DDX1: variants seen among roughly 807,000 people sequenced by gnomAD.
DDX1 encodes the protein ATP-dependent RNA helicase DDX1.
DDX1 carries 28 observed loss-of-function variants against 108.7 expected under a neutral mutation model. That is an observed-to-expected ratio of 0.26 (90% confidence interval 0.19 to 0.35). The LOEUF (loss-of-function observed/expected upper bound fraction) is 0.35. DDX1 is among the 10% of genes least tolerant of loss of function. The probability of loss-of-function intolerance (pLI) is 1.00; values close to 1 mark genes in which losing one functional copy is unlikely to be tolerated. For synonymous variants in DDX1, 295 were observed against 288.9 expected (o/e 1.02, Z -0.21); for missense variants, 710 against 884.5 (o/e 0.80, Z 2.50).
In DDX1 at chr2:15,599,789, G is replaced by A. The variant is rs1039465792; in HGVS notation, c.307+73G>A. The A allele has an allele frequency of 1.9e-5, 20 of 1,059,926 alleles. No individual in the cohort carries two copies. In the Admixed American group the frequency reaches 4.2e-4, roughly 22 times the overall value. 65.7% of individuals were successfully genotyped at this position (1,059,926 alleles called of 1,614,324 possible). On this transcript the variant is annotated intron_variant, in intron 6 of 25. Transcript: ENST00000233084. ...AAAAAATAATACATGAGAACACCAA[G>A]TAAATAAGATTAAGATTTAATTTAC...
chr2:15,614,083 A>C (rs1273554375), intron 14 of DDX1, among the ~76,000 whole-genome samples: 1 of 152,128 alleles, frequency 6.6e-6, no homozygotes, highest in African/African-American at 2.4e-5. Context: ...GGCCTCCCAA[A>C]GTGCTGGGAT....
intron 14 of DDX1, among the ~76,000 whole-genome samples, chr2:15,616,769 G>T (rs995031743): frequency 1.3e-5 from 2 of 152,098 alleles, no homozygotes; most frequent in African/African-American, 4.8e-5. Context: ...GAGCACCTGG[G>T]ACACTCTGCG....
intron 21 of DDX1, 24 bp from the exon 22 acceptor site, chr2:15,628,614 G>A (rs1371286309): frequency 6.2e-7 from 1 of 1,602,788 alleles, no homozygotes; most frequent in Admixed American, 1.7e-5. Context: ...ACTGGCAATT[G>A]TTAATAATGG....
chr2:15,601,174 T>A (rs1665583830), intron 6 of DDX1, among the ~76,000 whole-genome samples: 1 of 151,808 alleles, frequency 6.6e-6, no homozygotes, highest in Non-Finnish European at 1.5e-5. Context: ...ATGTGTGGGG[T>A]TTTTTCCCAC....
chr2:15,630,829 G>T lies in DDX1; in HGVS notation c.2146G>T (p.Ala716Ser). 1.2e-6 allele frequency: 2 copies of T among 1,614,042 alleles called. No homozygotes were observed. Among genetic ancestry groups the T allele is most frequent in the East Asian group, 4.5e-5 (2 of 44,878 alleles). ...TTTGGCACCTACTGTTCAAGAGTTG[G>T]CTGCCCTTGAAAAGGAGGCGCAGAC... The part of the protein sequence containing the change: ...DILAPTVQEL[A>S]ALEKEAQTSF... Residue 716 changes from alanine to serine, a missense_variant, in exon 26 of 26, where the codon GCT (alanine) becomes TCT (serine). Coordinates refer to ENST00000233084, the MANE Select transcript of DDX1 (RefSeq NM_004939.3).
intron 3 of DDX1, among the ~76,000 whole-genome samples, chr2:15,595,912 C>T (rs1573035366): frequency 6.6e-6 from 1 of 151,888 alleles, no homozygotes; most frequent in East Asian, 1.9e-4. Flanking sequence ...TTGGAAAAGG[C>T]CAAGCTCTGT....
intron 14 of DDX1, among the ~76,000 whole-genome samples, chr2:15,614,576 G>A (rs551018488): frequency 8.0e-4 from 122 of 152,264 alleles, no homozygotes; most frequent in African/African-American, 2.7e-3. Flanking sequence ...CTCATGAATG[G>A]GTTAATGCCT....
At chr2:15,593,786 T>G (rs974065368) in intron 1 of DDX1, among the ~76,000 whole-genome samples, 1 of 151,828 alleles carries the variant, frequency 6.6e-6, no homozygotes, top group Non-Finnish European at 1.5e-5. Context: ...GATTAAGAGC[T>G]AGGAAAGTCG....
intron 9 of DDX1, among the ~76,000 whole-genome samples, 162 bp downstream of exon 9, chr2:15,604,052 G>T (rs1431857171): frequency 6.6e-6 from 1 of 152,184 alleles, no homozygotes; most frequent in African/African-American, 2.4e-5. Context: ...AAGAAATATT[G>T]TCAAGCTAGA....
chr2:15,622,900 TAGAG>T (rs1250707150), intron 18 of DDX1, among the ~76,000 whole-genome samples: 2 of 152,108 alleles, frequency 1.3e-5, no homozygotes, highest in African/African-American at 4.8e-5. Flanking sequence ...CACTGAAAAA[TAGAG>T]AGTTGGAGGA....
chr2:15,618,799 C>A (rs374623080), intron 16 of DDX1, among the ~76,000 whole-genome samples: 2 of 152,240 alleles, frequency 1.3e-5, no homozygotes, highest in East Asian at 3.9e-4. Flanking sequence ...CTTCCGTGTT[C>A]GCTGGCGCCC....
intron 25 of DDX1, among the ~76,000 whole-genome samples, chr2:15,630,383 G>A (rs3770470): frequency 2.0e-5 from 3 of 152,024 alleles, no homozygotes; most frequent in Non-Finnish European, 2.9e-5. Flanking sequence ...TGTGGAATTA[G>A]TAGGAAACAA....
intron 12 of DDX1, among the ~76,000 whole-genome samples, chr2:15,606,752 T>G (rs1469914561): frequency 1.3e-5 from 2 of 152,224 alleles, no homozygotes; most frequent in African/African-American, 4.8e-5. Context: ...ATTTCATAAC[T>G]TGTTTGTCAC....
At chr2:15,602,429 A>G (rs1665601389) in intron 6 of DDX1, 119 bp from the exon 7 acceptor site, 1 of 685,096 alleles carries the variant, frequency 1.5e-6, no homozygotes, top group South Asian at 1.7e-5. Context: ...CATTGCAACA[A>G]ATGAAGGAAT....
chr2:15,618,414 A>T, intron 16 of DDX1, 144 bp downstream of exon 16: 1 of 554,154 alleles, frequency 1.8e-6, no homozygotes, highest in East Asian at 2.8e-5. Flanking sequence ...AGTTCCACCC[A>T]CTTGGCCTGG....
In DDX1 at chr2:15,631,061, C is replaced by A. The variant is rs1573054279; in HGVS notation, c.*155C>A. 1.8e-6 allele frequency: 1 copy of A among 570,480 alleles called. No homozygotes were observed. The highest frequency in any genetic ancestry group is 2.8e-6 in the Non-Finnish European group (1 of 358,302). The allele number at this position is 570,480 out of a possible 1,614,324, so 35.3% of individuals were successfully genotyped here. A position where few individuals can be genotyped will look rare whatever the true frequency, so the allele number is the denominator to read the frequency against. On this transcript the variant is annotated 3_prime_UTR_variant, in exon 26 of 26. Coordinates refer to ENST00000233084, the MANE Select transcript of DDX1 (RefSeq NM_004939.3). ...AGAAACATTAGTCTTAGGAATTCTT[C>A]AAAAAATGGCATCCCAATGAAAATA...
intron 8 of DDX1, among the ~76,000 whole-genome samples, chr2:15,603,490 A>G (rs1665618661): frequency 6.6e-6 from 1 of 152,244 alleles, no homozygotes; most frequent in Non-Finnish European, 1.5e-5. Context: ...AGGGATAAGA[A>G]TATGAATGGA....
intron 20 of DDX1, among the ~76,000 whole-genome samples, chr2:15,628,158 T>C (rs1247351082): frequency 5.3e-5 from 8 of 152,186 alleles, no homozygotes; most frequent in African/African-American, 1.4e-4. Context: ...TCTAAAGATA[T>C]TTATAAAGAT....
At chr2:15,598,388 T>A (rs1408111397) in intron 5 of DDX1, among the ~76,000 whole-genome samples, 1 of 152,110 alleles carries the variant, frequency 6.6e-6, no homozygotes, top group Non-Finnish European at 1.5e-5. Context: ...TGAGAAATGG[T>A]GGTAAAAGAA....
Sources: allele counts gnomAD v4.1 joint callset (sites outside exome capture counted in the v4.1 genomes callset), GRCh38; gene constraint gnomAD v4.1.1; transcripts MANE v1.5; gene names NCBI Gene and HGNC (gene_info 2026-07-23, HGNC 2026-07-21).